Variants in BCAS1 observed in about 807,000 individuals in gnomAD.
BCAS1 encodes breast carcinoma-amplified sequence 1.
In BCAS1, 46 loss-of-function variants were observed where a neutral mutation model predicts 65.4. That is an observed-to-expected ratio of 0.70 (90% CI 0.55 to 0.90). BCAS1 has a LOEUF of 0.90. Among genes scored for constraint, BCAS1 ranks in the 40% least tolerant of loss-of-function variants. The pLI is 0.00. For synonymous variants in BCAS1, 298 were observed against 293.5 expected (o/e 1.02, Z -0.16); for missense variants, 793 against 771.2 (o/e 1.03, Z -0.33).
rs559440070 is a variant in BCAS1 at position 53,944,175 on chromosome 20, G to A, written c.*747C>T. The A allele has an allele frequency of 1.2e-4, 19 of 152,076 alleles. No individual in the cohort carries two copies. The highest frequency in any genetic ancestry group is 3.9e-4 in the African/African-American group (16 of 41,486). 9.4% of individuals were successfully genotyped at this position (152,076 alleles called of 1,614,324 possible). A position where few individuals can be genotyped will look rare whatever the true frequency, so the allele number is the denominator to read the frequency against. On this transcript the variant is annotated 3_prime_UTR_variant, in exon 13 of 13. Coordinates refer to ENST00000688948, the MANE Select transcript of BCAS1 (RefSeq NM_001366298.2). ...AATTGGCAACCACCCAACACAGCCCGGGTTCTCCCTCCTTGAGATGTGAAT... is the reference window on the plus strand; with the variant it reads ...AATTGGCAACCACCCAACACAGCCCAGGTTCTCCCTCCTTGAGATGTGAAT...
intron 11 of BCAS1, among the ~76,000 whole-genome samples, chr20:53,955,273 C>G (rs1405904947): frequency 2.0e-5 from 3 of 152,224 alleles, no homozygotes; most frequent in African/African-American, 7.2e-5. Context: ...AAAGAAGCAA[C>G]AGGCATCCAG....
At chr20:54,051,580 G>A (rs1282642672) in intron 3 of BCAS1, among the ~76,000 whole-genome samples, 8 of 152,182 alleles carry the variant, frequency 5.3e-5, no homozygotes, top group Admixed American at 5.2e-4. Flanking sequence ...TGCCCCCAGT[G>A]ATGAATCCAG....
intron 10 of BCAS1, among the ~76,000 whole-genome samples, chr20:53,961,760 T>G (rs2089884554): frequency 1.3e-5 from 2 of 152,114 alleles, no homozygotes; most frequent in African/African-American, 4.8e-5. Context: ...AGGGTGAGCT[T>G]TAGAACAACA....
chr20:54,008,768 G>A (rs2145940501), intron 4 of BCAS1, among the ~76,000 whole-genome samples: 1 of 152,060 alleles, frequency 6.6e-6, no homozygotes, highest in South Asian at 2.1e-4. Flanking sequence ...ATGTCAACCT[G>A]GAAATGAGAT....
chr20:53,955,908 TGTC>T (rs2089683539), intron 11 of BCAS1, among the ~76,000 whole-genome samples: 1 of 152,220 alleles, frequency 6.6e-6, no homozygotes, highest in African/African-American at 2.4e-5. Flanking sequence ...TATTTAAGCT[TGTC>T]TTAAAAGCTT....
chr20:53,953,057 C>CA (rs2089577531), intron 12 of BCAS1, among the ~76,000 whole-genome samples: 1 of 152,182 alleles, frequency 6.6e-6, no homozygotes, highest in Admixed American at 6.5e-5. Flanking sequence ...AGACACTGAA[C>CA]AAAACTGATG....
At chr20:54,002,516 C>T (rs1478379015) in intron 4 of BCAS1, among the ~76,000 whole-genome samples, 1 of 152,052 alleles carries the variant, frequency 6.6e-6, no homozygotes, top group Non-Finnish European at 1.5e-5. Context: ...CAGGTGAGTT[C>T]GTTTTTGGTG....
At chr20:53,960,313 G>T (rs1417169265) in intron 10 of BCAS1, among the ~76,000 whole-genome samples, 6 of 151,876 alleles carry the variant, frequency 4.0e-5, no homozygotes, top group African/African-American at 9.7e-5. Context: ...GTTTCAATTT[G>T]CTTTCTTTCC....
chr20:53,980,784 TAAAGAC>T (rs1388539337), intron 8 of BCAS1, among the ~76,000 whole-genome samples: 1 of 152,214 alleles, frequency 6.6e-6, no homozygotes, highest in African/African-American at 2.4e-5. Flanking sequence ...TGCTCATACA[TAAAGAC>T]AAATGAAGGC....
intron 8 of BCAS1, among the ~76,000 whole-genome samples, chr20:53,976,114 C>T (rs1202785817): frequency 6.6e-5 from 10 of 152,176 alleles, no homozygotes; most frequent in Admixed American, 6.5e-4. Context: ...ATATACAGTC[C>T]TGCCCCAAGT....
At chr20:53,966,319 C>T (rs2090024585) in intron 10 of BCAS1, among the ~76,000 whole-genome samples, 1 of 152,196 alleles carries the variant, frequency 6.6e-6, no homozygotes, top group African/African-American at 2.4e-5. Flanking sequence ...GAAATAATGT[C>T]TTTTGCAGCA....
intron 11 of BCAS1, among the ~76,000 whole-genome samples, chr20:53,954,481 A>G (rs1382047095): frequency 6.6e-6 from 1 of 152,164 alleles, no homozygotes; most frequent in Non-Finnish European, 1.5e-5. Flanking sequence ...TTTTCTTCAT[A>G]ATTACATCTA....
intron 4 of BCAS1, among the ~76,000 whole-genome samples, chr20:54,015,882 T>C (rs1257949633): frequency 4.6e-5 from 7 of 152,192 alleles, no homozygotes; most frequent in Middle Eastern, 3.2e-3. Flanking sequence ...TTTAGTTAGA[T>C]TGGTGGTTCA....
intron 3 of BCAS1, among the ~76,000 whole-genome samples, chr20:54,055,160 A>G (rs760919666): frequency 2.0e-4 from 31 of 152,338 alleles, no homozygotes; most frequent in Non-Finnish European, 1.2e-4. Context: ...GATAATTGAA[A>G]ACAAACAACC....
chr20:53,959,515 A>T (rs909786915), intron 10 of BCAS1, among the ~76,000 whole-genome samples: 1 of 152,074 alleles, frequency 6.6e-6, no homozygotes, highest in East Asian at 1.9e-4. Context: ...CGGCCTCCCA[A>T]AGTGTTAGGA....
rs2021818 is a variant in BCAS1 at position 54,036,786 on chromosome 20, T to C, written c.143-7814A>G. 7.0e-3 allele frequency among the ~76,000 whole-genome samples: 1,067 copies of C among 151,582 alleles called. 50 individuals are homozygous for C. Among genetic ancestry groups the C allele is most frequent in the South Asian group, 0.045 (215 of 4,802 alleles). ...ATTTTGTATTTTTAAATGTAAGCCA[T>C]AAGGAAAGGAATTATTCCAATAGTT... is the stretch of plus-strand genomic sequence containing the variant. On this transcript the variant is annotated intron_variant, in intron 3 of 12. Transcript: ENST00000688948.
intron 7 of BCAS1, among the ~76,000 whole-genome samples, chr20:53,986,813 T>C (rs1010983308): frequency 1.7e-4 from 26 of 152,280 alleles, no homozygotes; most frequent in African/African-American, 6.3e-4. Context: ...GGAGGATTGC[T>C]TGAGTCCAGG....
intron 4 of BCAS1, among the ~76,000 whole-genome samples, chr20:54,023,981 A>G (rs2091616588): frequency 1.3e-5 from 2 of 152,228 alleles, no homozygotes; most frequent in Non-Finnish European, 2.9e-5. Context: ...TACTGGTAAT[A>G]GCTAATTTCT....
intron 8 of BCAS1, among the ~76,000 whole-genome samples, chr20:53,977,099 G>A (rs374785889): frequency 6.6e-6 from 1 of 152,188 alleles, no homozygotes; most frequent in South Asian, 2.1e-4. Flanking sequence ...AGGCAAGAGA[G>A]AGCGAAGGGA....
Sources: allele counts gnomAD v4.1 joint callset (sites outside exome capture counted in the v4.1 genomes callset), GRCh38; gene constraint gnomAD v4.1.1; transcripts MANE v1.5; gene names NCBI Gene and HGNC (gene_info 2026-07-23, HGNC 2026-07-21).